VPS13B: variants seen among roughly 807,000 people sequenced by gnomAD.
VPS13B encodes intermembrane lipid transfer protein VPS13B.
In VPS13B, 285 loss-of-function variants were observed where a neutral mutation model predicts 426.4. The observed-to-expected ratio is 0.67, with a 90% CI of 0.61 to 0.74. VPS13B has a LOEUF of 0.74. Ranked by LOEUF, VPS13B falls within the 30% of genes least tolerant of loss-of-function variation. The probability of loss-of-function intolerance (pLI) is 0.00; values close to 1 mark genes in which losing one functional copy is unlikely to be tolerated. For missense variants in VPS13B, 4,537 were observed against 4,782.6 expected (o/e 0.95, Z 1.51); for synonymous variants, 1,676 against 1,676.4 (o/e 1.00, Z 0.01).
intron 39 of VPS13B, among the ~76,000 whole-genome samples, chr8:99,751,259 C>G (rs1810380868): frequency 6.6e-6 from 1 of 152,072 alleles, no homozygotes; most frequent in Non-Finnish European, 1.5e-5. Context: ...GCACCTCCAT[C>G]AGAGTCAAAA....
chr8:99,178,508 G>T (rs1056587537), intron 16 of VPS13B, among the ~76,000 whole-genome samples: 19 of 152,124 alleles, frequency 1.2e-4, no homozygotes, highest in Non-Finnish European at 2.6e-4. Context: ...AACAGGTTAG[G>T]TATCCTTATT....
intron 11 of VPS13B, among the ~76,000 whole-genome samples, chr8:99,136,197 C>T (rs910035523): frequency 3.0e-4 from 45 of 151,904 alleles, no homozygotes; most frequent in African/African-American, 1.1e-3. Context: ...TTACATTTTA[C>T]TCTTTTTTTA....
In VPS13B at chr8:99,202,415, T is replaced by C. The variant is rs996277447; in HGVS notation, c.2515+9358T>C. Among the ~76,000 whole-genome samples the C allele has an allele frequency of 3.3e-5, 5 of 152,282 alleles. No individual in the cohort carries two copies. The East Asian group carries it at 9.6e-4, about 29-fold the overall frequency. On this transcript the variant is annotated intron_variant, in intron 17 of 61. Coordinates refer to ENST00000357162, the MANE Select transcript of VPS13B (RefSeq NM_152564.5). ...CCCAAGGGGAGGGAGTCAATAGACCTGTGAATGGATGTGACAATGCAATGG... is the reference window on the plus strand; with the variant it reads ...CCCAAGGGGAGGGAGTCAATAGACCCGTGAATGGATGTGACAATGCAATGG...
chr8:99,189,644 A>G (rs1813439763), intron 16 of VPS13B, among the ~76,000 whole-genome samples: 1 of 151,938 alleles, frequency 6.6e-6, no homozygotes, highest in Non-Finnish European at 1.5e-5. Context: ...CCTGTTACTG[A>G]TATCAGTGTC....
intron 39 of VPS13B, among the ~76,000 whole-genome samples, chr8:99,741,758 G>A (rs898701839): frequency 1.3e-5 from 2 of 152,144 alleles, no homozygotes; most frequent in Non-Finnish European, 2.9e-5. Flanking sequence ...CAGAAATAAA[G>A]ATGTTCTTTG....
At chr8:99,684,080 T>C (rs1043039146) in intron 35 of VPS13B, among the ~76,000 whole-genome samples, 1 of 152,228 alleles carries the variant, frequency 6.6e-6, no homozygotes. Context: ...CATCAATTGA[T>C]AGTATCTTTG....
In VPS13B at chr8:99,743,209, G is replaced by A. The variant is rs1415391447; in HGVS notation, c.7050+22162G>A. ...AGACAAACAGCCAAATCATGAGTGA[G>A]CTCCCATTCACAATTGCTTCAAAGA... is the stretch of plus-strand genomic sequence containing the variant. On this transcript the variant is annotated intron_variant, in intron 39 of 61. Coordinates refer to ENST00000357162, the MANE Select transcript of VPS13B (RefSeq NM_152564.5). Among the ~76,000 whole-genome samples the A allele has an allele frequency of 4.1e-4, 62 of 152,060 alleles. 2 individuals are homozygous for A. The highest frequency in any genetic ancestry group is 3.5e-3 in the Admixed American group (54 of 15,272).
intron 52 of VPS13B, 113 bp from the exon 53 acceptor site, chr8:99,835,084 A>G (rs1815311553): frequency 1.5e-6 from 2 of 1,343,472 alleles, no homozygotes; most frequent in African/African-American, 1.4e-5. Context: ...TGAGTTATAA[A>G]ACAGATATTT....
In VPS13B at chr8:99,105,579, A is replaced by G. The variant is rs527737728; in HGVS notation, c.580+2459A>G. Among the ~76,000 whole-genome samples, 3 of 152,240 alleles carry G rather than the reference A, an allele frequency of 2.0e-5. No homozygotes were observed. In the South Asian group the frequency reaches 6.2e-4, roughly 32 times the overall value. On this transcript the variant is annotated intron_variant, in intron 5 of 61. Transcript: ENST00000357162. ...TTTTTGGTAGAGACGGGGTTTCACC[A>G]TGTTGGCCAGTCTGGTCTTGAATTC...
intron 40 of VPS13B, among the ~76,000 whole-genome samples, chr8:99,767,924 G>A: frequency 6.6e-6 from 1 of 152,172 alleles, no homozygotes; most frequent in Admixed American, 6.5e-5. Context: ...GCAAGACCCT[G>A]TCACACACAC....
chr8:99,787,099 A>C (rs1182915646), intron 43 of VPS13B, among the ~76,000 whole-genome samples: 1 of 152,156 alleles, frequency 6.6e-6, no homozygotes, highest in African/African-American at 2.4e-5. Context: ...CTTGGGTGTT[A>C]GTCAATTCAT....
At chr8:99,461,675 C>G (rs145176744) in intron 23 of VPS13B, among the ~76,000 whole-genome samples, 5 of 152,066 alleles carry the variant, frequency 3.3e-5, no homozygotes, top group Non-Finnish European at 5.9e-5. Context: ...TAATAAAGAG[C>G]CTTTGCAATT....
At chr8:99,098,925 G>A (rs6468664) in intron 4 of VPS13B, among the ~76,000 whole-genome samples, 111,670 of 151,814 alleles carry the variant, frequency 0.74, 41,788 homozygotes, top group South Asian at 0.87. Flanking sequence ...TTTTTTAGTC[G>A]CTTCTTTTGG....
At chr8:99,203,098 A>G (rs1020023658) in intron 17 of VPS13B, among the ~76,000 whole-genome samples, 3 of 151,908 alleles carry the variant, frequency 2.0e-5, no homozygotes, top group Non-Finnish European at 4.4e-5. Context: ...ATGAACATCC[A>G]TGTGAAAATC....
chr8:99,848,229 G>C (rs985467228), intron 54 of VPS13B, among the ~76,000 whole-genome samples: 1 of 152,118 alleles, frequency 6.6e-6, no homozygotes, highest in Non-Finnish European at 1.5e-5. Context: ...TTTACTCCGA[G>C]CAAATTAACT....
rs896618398 is a variant in VPS13B at position 99,580,340 on chromosome 8, A to T, written c.5220+2707A>T. Among the ~76,000 whole-genome samples, 67 of 141,374 alleles carry T rather than the reference A, an allele frequency of 4.7e-4. 1 individual carries two copies. The highest frequency in any genetic ancestry group is 2.8e-3 in the East Asian group (13 of 4,690). 92.7% of individuals were successfully genotyped at this position (141,374 alleles called of 152,430 possible). ...TATAACATTAAATATATATATATAT[A>T]TTTCTTTTCTTTTCTTTTCTTTTCT... On this transcript the variant is annotated intron_variant, in intron 33 of 61. Coordinates refer to ENST00000357162, the MANE Select transcript of VPS13B (RefSeq NM_152564.5).
intron 24 of VPS13B, among the ~76,000 whole-genome samples, chr8:99,478,387 T>C (rs530349793): frequency 9.2e-5 from 14 of 151,432 alleles, no homozygotes; most frequent in African/African-American, 3.4e-4. Context: ...CACTCACCCA[T>C]TTTTTATTTC....
intron 33 of VPS13B, among the ~76,000 whole-genome samples, chr8:99,579,105 T>A (rs1279453353): frequency 1.3e-5 from 2 of 152,238 alleles, no homozygotes; most frequent in Admixed American, 1.3e-4. Flanking sequence ...TTTTATGTTA[T>A]GTATATATAT....
chr8:99,189,559 G>C (rs1476886424), intron 16 of VPS13B, among the ~76,000 whole-genome samples: 1 of 151,820 alleles, frequency 6.6e-6, no homozygotes, highest in African/African-American at 2.4e-5. Flanking sequence ...AAATATTTCT[G>C]TATACTATTT....
Sources: gnomAD v4.1 joint callset for allele counts (sites outside exome capture counted in the v4.1 genomes callset) on GRCh38, gnomAD v4.1.1 for gene constraint, MANE v1.5 for transcripts, NCBI Gene and HGNC (gene_info 2026-07-23, HGNC 2026-07-21) for gene names.